Variants in OSBPL1A observed in about 807,000 individuals in gnomAD.
OSBPL1A encodes the protein oxysterol-binding protein-related protein 1.
Under a neutral mutation model 137.1 loss-of-function variants are expected in OSBPL1A, and 80 were observed. The observed-to-expected ratio is 0.58, with a 90% confidence interval of 0.49 to 0.70. The LOEUF (loss-of-function observed/expected upper bound fraction) is 0.70. Ranked by LOEUF, OSBPL1A falls within the 30% of genes least tolerant of loss-of-function variation. The pLI is 0.00. For missense variants in OSBPL1A, 970 were observed against 1,129.4 expected (o/e 0.86, Z 2.02); for synonymous variants, 365 against 389.7 (o/e 0.94, Z 0.75).
chr18:24,384,233 T>A (rs187092496), intron 1 of OSBPL1A, among the ~76,000 whole-genome samples: 3 of 152,328 alleles, frequency 2.0e-5, no homozygotes, highest in Admixed American at 1.3e-4. Context: ...TATTTGGTTG[T>A]GGTGAATTTG....
chr18:24,384,630 G>C (rs1008915660), intron 1 of OSBPL1A, among the ~76,000 whole-genome samples: 5 of 151,990 alleles, frequency 3.3e-5, no homozygotes, highest in Non-Finnish European at 5.9e-5. Flanking sequence ...AGCACTTTGC[G>C]AGGCCAAGAT....
chr18:24,337,622 CAGATAAAAGG>C (rs1676663167), intron 5 of OSBPL1A, among the ~76,000 whole-genome samples: 1 of 148,932 alleles, frequency 6.7e-6, no homozygotes, highest in Non-Finnish European at 1.5e-5. Context: ...GGAATTGTTT[CAGATAAAAGG>C]AGATGAAAGG....
intron 7 of OSBPL1A, among the ~76,000 whole-genome samples, chr18:24,326,636 T>A (rs35444023): frequency 0.18 from 26,690 of 152,216 alleles, 2,558 homozygotes; most frequent in Middle Eastern, 0.22. Flanking sequence ...AAGGCAGCCA[T>A]CTGGGTTCCT....
intron 15 of OSBPL1A, among the ~76,000 whole-genome samples, chr18:24,255,998 T>C (rs2089263462): frequency 6.6e-6 from 1 of 152,168 alleles, no homozygotes; most frequent in African/African-American, 2.4e-5. Context: ...TTTTGCCATG[T>C]TGGCCAGGCT....
At chr18:24,290,202 T>A (rs907999898) in intron 14 of OSBPL1A, among the ~76,000 whole-genome samples, 2 of 152,112 alleles carry the variant, frequency 1.3e-5, no homozygotes, top group African/African-American at 2.4e-5. Context: ...TCACAATCCA[T>A]AAAGACACCG....
At chr18:24,294,161 G>T (rs1269405539) in intron 14 of OSBPL1A, among the ~76,000 whole-genome samples, 1 of 151,632 alleles carries the variant, frequency 6.6e-6, no homozygotes, top group African/African-American at 2.4e-5. Flanking sequence ...TAGTGAAGAA[G>T]TCTAAGATTT....
chr18:24,189,450 C>T (rs4800561), intron 18 of OSBPL1A, among the ~76,000 whole-genome samples: 69,846 of 151,982 alleles, frequency 0.46, 19,170 homozygotes, highest in Non-Finnish European at 0.62. Flanking sequence ...CCCCAGGGCT[C>T]GCTCCACTGA....
chr18:24,187,438 G>A (rs1324554213), intron 18 of OSBPL1A, among the ~76,000 whole-genome samples: 1 of 152,098 alleles, frequency 6.6e-6, no homozygotes, highest in African/African-American at 2.4e-5. Context: ...GGAAAAAAAT[G>A]AGCTCTGAGA....
At chr18:24,299,147 C>G (rs2090351022) in intron 14 of OSBPL1A, among the ~76,000 whole-genome samples, 1 of 151,202 alleles carries the variant, frequency 6.6e-6, no homozygotes, top group Non-Finnish European at 1.5e-5. Context: ...CTCTTGAAGA[C>G]AGAAGACATT....
chr18:24,181,727 CCT>C (rs1400876973), intron 18 of OSBPL1A, among the ~76,000 whole-genome samples: 1 of 152,202 alleles, frequency 6.6e-6, no homozygotes, highest in African/African-American at 2.4e-5. Flanking sequence ...AACCCTCTCC[CCT>C]GTTAACTTAA....
At chr18:24,395,729 C>T (rs1287383269) in intron 1 of OSBPL1A, among the ~76,000 whole-genome samples, 1 of 151,792 alleles carries the variant, frequency 6.6e-6, no homozygotes, top group African/African-American at 2.4e-5. Flanking sequence ...TCAAGGGATT[C>T]TCCAGCCTCA....
chr18:24,188,094 C>T (rs1373152152), intron 18 of OSBPL1A, among the ~76,000 whole-genome samples: 1 of 152,210 alleles, frequency 6.6e-6, no homozygotes, highest in Non-Finnish European at 1.5e-5. Context: ...GAAAAACACT[C>T]TTAAGGACTA....
intron 4 of OSBPL1A, among the ~76,000 whole-genome samples, chr18:24,354,822 T>A (rs1174165370): frequency 6.8e-6 from 1 of 146,046 alleles, no homozygotes; most frequent in African/African-American, 2.5e-5. Context: ...CATTTGTCCA[T>A]CTAACTTTGC....
At chr18:24,274,135 G>A (rs1216235680) in intron 15 of OSBPL1A, among the ~76,000 whole-genome samples, 2 of 151,468 alleles carry the variant, frequency 1.3e-5, no homozygotes, top group African/African-American at 4.9e-5. Context: ...TCAGGAGGCT[G>A]AGGCAGGAGA....
chr18:24,214,572 G>A (rs1296486610), intron 17 of OSBPL1A, among the ~76,000 whole-genome samples: 2 of 152,188 alleles, frequency 1.3e-5, no homozygotes, highest in Admixed American at 6.5e-5. Flanking sequence ...TGGATTAGGA[G>A]GCTGATGGTA....
At chr18:24,266,493 T>A (rs2089577883) in intron 15 of OSBPL1A, among the ~76,000 whole-genome samples, 1 of 151,912 alleles carries the variant, frequency 6.6e-6, no homozygotes, top group Admixed American at 6.6e-5. Flanking sequence ...AACAAGGGGA[T>A]GAGGGTCATT....
At chr18:24,309,099 AT>A (rs987395361) in intron 13 of OSBPL1A, among the ~76,000 whole-genome samples, 55 of 152,288 alleles carry the variant, frequency 3.6e-4, no homozygotes, top group Middle Eastern at 3.4e-3. Context: ...ATTTTAATTA[AT>A]TTAAATGTAA....
intron 5 of OSBPL1A, among the ~76,000 whole-genome samples, chr18:24,341,212 G>T (rs2146155221): frequency 6.6e-6 from 1 of 152,162 alleles, no homozygotes; most frequent in African/African-American, 2.4e-5. Flanking sequence ...TCGCCATGTT[G>T]CCCAGACTAG....
At position 24,344,527 on chromosome 18, in the gene OSBPL1A, A is replaced by C. The variant is rs148122141; in HGVS notation, c.283-2869T>G. ...ATGTTCTCCAGTGGAGATAGCAGAA[A>C]GGAGGATTTGCAGTGAAAACTATTC... On this transcript the variant is annotated intron_variant, in intron 4 of 27. Transcript: ENST00000319481. Among the ~76,000 whole-genome samples, 150 of 152,346 alleles carry C rather than the reference A, an allele frequency of 9.8e-4. 1 individual carries two copies. In the East Asian group the frequency reaches 0.019, roughly 19 times the overall value.
Sources: allele counts gnomAD v4.1 joint callset (sites outside exome capture counted in the v4.1 genomes callset), GRCh38; gene constraint gnomAD v4.1.1; transcripts MANE v1.5; gene names NCBI Gene and HGNC (gene_info 2026-07-23, HGNC 2026-07-21).